The following KCNQ3 variants were observed in gnomAD, a reference collection of about 807,000 sequenced individuals.
KCNQ3 encodes potassium voltage-gated channel subfamily KQT member 3.
In KCNQ3, 30 loss-of-function variants were observed where a neutral mutation model predicts 92.5. The observed-to-expected ratio is 0.32, with a 90% CI of 0.24 to 0.44. KCNQ3 has a LOEUF of 0.44. KCNQ3 is among the 20% of genes least tolerant of loss of function. KCNQ3 has a pLI of 1.00. For synonymous variants in KCNQ3, 450 were observed against 468.8 expected, an observed-to-expected ratio of 0.96 and a Z score of 0.52; for missense variants, 913 against 1,140.3, an observed-to-expected ratio of 0.80 and a Z score of 2.87.
At chr8:132,240,488 T>C (rs901990193) in intron 1 of KCNQ3, among the ~76,000 whole-genome samples, 12 of 152,268 alleles carry the variant, frequency 7.9e-5, no homozygotes, top group African/African-American at 2.6e-4. Context: ...GCCCGGCCCA[T>C]GCCATGATTC....
intron 1 of KCNQ3, among the ~76,000 whole-genome samples, chr8:132,322,021 G>T (rs1218273936): frequency 6.6e-6 from 1 of 152,114 alleles, no homozygotes; most frequent in East Asian, 1.9e-4. Context: ...CTTGGATGTG[G>T]CCTGAGGACA....
intron 1 of KCNQ3, among the ~76,000 whole-genome samples, chr8:132,244,674 T>C (rs1358672970): frequency 6.6e-6 from 1 of 152,166 alleles, no homozygotes. Context: ...ATTTTGCACA[T>C]GGGAGACTGA....
intron 1 of KCNQ3, chr8:132,187,198 C>T (rs1351875954): frequency 2.2e-6 from 1 of 455,876 alleles, no homozygotes; most frequent in African/African-American, 2.0e-5. Context: ...AGGTTCTACC[C>T]ATGCTTTTTT....
intron 1 of KCNQ3, among the ~76,000 whole-genome samples, chr8:132,412,978 C>T (rs2130799602): frequency 6.6e-6 from 1 of 152,310 alleles, no homozygotes; most frequent in Admixed American, 6.5e-5. Flanking sequence ...CCTCCTCTCT[C>T]CACTGACACC....
intron 1 of KCNQ3, among the ~76,000 whole-genome samples, chr8:132,449,567 T>C (rs1414228236): frequency 6.6e-6 from 1 of 152,046 alleles, no homozygotes; most frequent in African/African-American, 2.4e-5. Context: ...GGAAAACACA[T>C]CTCTGATGGT....
chr8:132,294,326 G>A (rs1245532115), intron 1 of KCNQ3, among the ~76,000 whole-genome samples: 2 of 152,146 alleles, frequency 1.3e-5, no homozygotes, highest in Non-Finnish European at 2.9e-5. Flanking sequence ...GAAAGACAGT[G>A]TTTACCCCAG....
At chr8:132,211,853 T>C (rs1236485499) in intron 1 of KCNQ3, among the ~76,000 whole-genome samples, 1 of 148,444 alleles carries the variant, frequency 6.7e-6, no homozygotes, top group East Asian at 2.0e-4. Flanking sequence ...CTTGGGAGGC[T>C]GAGGCAGGAG....
intron 1 of KCNQ3, among the ~76,000 whole-genome samples, chr8:132,278,891 C>A (rs958585163): frequency 6.6e-6 from 1 of 152,132 alleles, no homozygotes. Context: ...ACCTTGACTG[C>A]ACATTAGTAT....
At chr8:132,210,750 A>G (rs1358400688) in intron 1 of KCNQ3, among the ~76,000 whole-genome samples, 3 of 152,226 alleles carry the variant, frequency 2.0e-5, no homozygotes, top group Admixed American at 2.0e-4. Flanking sequence ...CAAAGCCAGA[A>G]AAGCAGAGAG....
chr8:132,480,037 G>A (rs969510507), intron 1 of KCNQ3, 110 bp downstream of exon 1: 3 of 1,075,780 alleles, frequency 2.8e-6, no homozygotes, highest in African/African-American at 1.6e-5. Flanking sequence ...CCCCTTCAGC[G>A]GGAAAGCATC....
intron 5 of KCNQ3, among the ~76,000 whole-genome samples, chr8:132,175,004 T>C (rs914090960): frequency 6.6e-6 from 1 of 152,226 alleles, no homozygotes; most frequent in Non-Finnish European, 1.5e-5. Context: ...TAAAGTAGGT[T>C]AGTGAAAGTA....
intron 1 of KCNQ3, among the ~76,000 whole-genome samples, chr8:132,250,924 T>C (rs1815387166): frequency 6.6e-6 from 1 of 152,194 alleles, no homozygotes; most frequent in South Asian, 2.1e-4. Context: ...TCCCCAGTAG[T>C]CAAAGATCGA....
chr8:132,227,729 G>T (rs1814478347), intron 1 of KCNQ3, among the ~76,000 whole-genome samples: 1 of 152,140 alleles, frequency 6.6e-6, no homozygotes, highest in Admixed American at 6.5e-5. Flanking sequence ...GTCCATCTCA[G>T]TTCCTCATTT....
At chr8:132,227,827 G>A (rs1166239638) in intron 1 of KCNQ3, among the ~76,000 whole-genome samples, 6 of 152,122 alleles carry the variant, frequency 3.9e-5, no homozygotes, top group African/African-American at 7.2e-5. Context: ...TTAGAACCAC[G>A]ATCAATGGGA....
chr8:132,208,706 C>A (rs1172844852), intron 1 of KCNQ3, among the ~76,000 whole-genome samples: 1 of 152,166 alleles, frequency 6.6e-6, no homozygotes, highest in African/African-American at 2.4e-5. Context: ...CTCTGAGCCT[C>A]AATTTCCTCC....
Position 132,480,399 on chromosome 8 carries a change from A to AGCCCCACTTTCCGCTCCTCGTCGCCG in KCNQ3, c.108_133dup (p.Leu45ProfsTer58). 1.3e-6 allele frequency: 2 copies of AGCCCCACTTTCCGCTCCTCGTCGCCG among 1,539,140 alleles called. No homozygotes were observed. The highest frequency in any genetic ancestry group is 1.7e-6 in the Non-Finnish European group (2 of 1,151,434). On this transcript the variant is annotated frameshift_variant, in exon 1 of 15. Transcript: ENST00000388996. LOFTEE classifies it high-confidence loss of function. ...GACTTGCTCCACGTCGCCGGGCGCC[A>AGCCCCACTTTCCGCTCCTCGTCGCCG]GCCCCACTTTCCGCTCCTCGTCGCC...
intron 1 of KCNQ3, among the ~76,000 whole-genome samples, chr8:132,351,365 A>G (rs1437899340): frequency 3.9e-5 from 6 of 152,130 alleles, no homozygotes; most frequent in Non-Finnish European, 8.8e-5. Context: ...ATCAAAAACT[A>G]CATCCCTGGG....
intron 1 of KCNQ3, among the ~76,000 whole-genome samples, chr8:132,398,902 G>A (rs539904951): frequency 6.6e-6 from 1 of 152,332 alleles, no homozygotes; most frequent in South Asian, 2.1e-4. Flanking sequence ...ACCTCCCTGA[G>A]ACAGCCTAAG....
At chr8:132,306,614 A>G (rs1817431238) in intron 1 of KCNQ3, among the ~76,000 whole-genome samples, 1 of 152,236 alleles carries the variant, frequency 6.6e-6, no homozygotes, top group Non-Finnish European at 1.5e-5. Context: ...ATCTAAATTT[A>G]TACAAAAGGG....
Sources: gnomAD v4.1 joint callset for allele counts (sites outside exome capture counted in the v4.1 genomes callset) on GRCh38, gnomAD v4.1.1 for gene constraint, MANE v1.5 for transcripts, NCBI Gene and HGNC (gene_info 2026-07-23, HGNC 2026-07-21) for gene names.